CFAP299: variants seen among roughly 807,000 people sequenced by gnomAD.
CFAP299 encodes cilia- and flagella-associated protein 299.
A neutral mutation model predicts 27.0 loss-of-function variants in CFAP299; 21 were observed. The observed-to-expected ratio is 0.78, with a 90% confidence interval of 0.55 to 1.12. The LOEUF is 1.12. CFAP299 is among the 50% of genes most tolerant of loss of function. CFAP299 has a pLI of 0.00. For missense variants in CFAP299, 310 were observed against 276.6 expected (o/e 1.12, Z -0.86); for synonymous variants, 104 against 98.1 (o/e 1.06, Z -0.36).
intron 2 of CFAP299, among the ~76,000 whole-genome samples, chr4:80,381,186 G>A (rs1724679674): frequency 6.6e-6 from 1 of 151,984 alleles, no homozygotes; most frequent in Non-Finnish European, 1.5e-5. Flanking sequence ...TTTAAAAATA[G>A]CTCATTATTT....
chr4:80,873,013 T>C, intron 4 of CFAP299: 1 of 982,536 alleles, frequency 1.0e-6, no homozygotes, highest in Non-Finnish European at 1.2e-6. Context: ...CAGTTTGTGC[T>C]TTTGTATTTT....
intron 1 of CFAP299, among the ~76,000 whole-genome samples, chr4:80,361,802 C>G (rs546830422): frequency 6.6e-6 from 1 of 152,134 alleles, no homozygotes; most frequent in Non-Finnish European, 1.5e-5. Context: ...AACTAGACAT[C>G]TTAAGTTTTC....
intron 3 of CFAP299, among the ~76,000 whole-genome samples, chr4:80,713,034 G>A (rs753037359): frequency 6.6e-6 from 1 of 152,034 alleles, no homozygotes; most frequent in Non-Finnish European, 1.5e-5. Flanking sequence ...GCCAATCATT[G>A]AGTTAAGAGG....
intron 3 of CFAP299, among the ~76,000 whole-genome samples, chr4:80,819,435 A>T (rs1482189158): frequency 6.6e-6 from 1 of 152,156 alleles, no homozygotes. Flanking sequence ...ATGGAATCAG[A>T]TAAAAGTGAT....
intron 1 of CFAP299, among the ~76,000 whole-genome samples, chr4:80,355,456 C>T (rs550415237): frequency 3.0e-4 from 43 of 142,582 alleles, no homozygotes; most frequent in Non-Finnish European, 6.2e-4. Context: ...CTCCCGGGTT[C>T]GAGCAATTCT....
intron 4 of CFAP299, among the ~76,000 whole-genome samples, chr4:80,934,859 A>C (rs930052490): frequency 4.0e-5 from 6 of 151,504 alleles, no homozygotes; most frequent in African/African-American, 1.5e-4. Context: ...ATCTTTTCTA[A>C]TGTTTGTCTA....
At chr4:80,732,413 A>G (rs115410187) in intron 3 of CFAP299, among the ~76,000 whole-genome samples, 1,717 of 152,290 alleles carry the variant, frequency 0.011, 32 homozygotes, top group African/African-American at 0.038. Flanking sequence ...AACACAAAAG[A>G]TAGTGCTGTC....
At chr4:80,504,227 G>A (rs1170089165) in intron 2 of CFAP299, among the ~76,000 whole-genome samples, 2 of 151,444 alleles carry the variant, frequency 1.3e-5, no homozygotes, top group Admixed American at 1.3e-4. Flanking sequence ...AGAGAGCCTG[G>A]TAAGCATGAG....
chr4:80,494,655 T>G (rs1276045270), intron 2 of CFAP299, among the ~76,000 whole-genome samples: 1 of 152,176 alleles, frequency 6.6e-6, no homozygotes, highest in Non-Finnish European at 1.5e-5. Context: ...TCTACTTAGA[T>G]TGTTCTGTGG....
At chr4:80,537,255 C>A (rs1350476831) in intron 2 of CFAP299, among the ~76,000 whole-genome samples, 2 of 151,812 alleles carry the variant, frequency 1.3e-5, no homozygotes, top group African/African-American at 4.8e-5. Context: ...ATGGGTACAG[C>A]CATTATTATC....
At chr4:80,503,471 A>G (rs964093601) in intron 2 of CFAP299, among the ~76,000 whole-genome samples, 11 of 152,064 alleles carry the variant, frequency 7.2e-5, no homozygotes, top group Admixed American at 2.6e-4. Context: ...GAGGCTGTAT[A>G]ATGTTCTTAT....
chr4:80,951,491 A>G (rs924237028), intron 5 of CFAP299, among the ~76,000 whole-genome samples: 2 of 152,170 alleles, frequency 1.3e-5, no homozygotes, highest in East Asian at 1.9e-4. Flanking sequence ...CATGTAGTCT[A>G]TTATCACAAG....
chr4:80,635,709 C>A (rs1214055549), intron 3 of CFAP299, among the ~76,000 whole-genome samples: 1 of 152,132 alleles, frequency 6.6e-6, no homozygotes, highest in African/African-American at 2.4e-5. Context: ...CTTTTCACAG[C>A]AGTCCTTAGA....
At chr4:80,873,063 CT>C in intron 4 of CFAP299, 1 of 921,658 alleles carries the variant, frequency 1.1e-6, no homozygotes, top group Non-Finnish European at 1.3e-6. Flanking sequence ...CATAAATATA[CT>C]GTCTTATAGG....
chr4:80,475,166 C>T (rs911771565), intron 2 of CFAP299, among the ~76,000 whole-genome samples: 2 of 151,914 alleles, frequency 1.3e-5, no homozygotes, highest in Non-Finnish European at 1.5e-5. Flanking sequence ...TAGGCAGGTG[C>T]CAGTGTGGTA....
At chr4:80,827,022 A>T (rs1039613557) in intron 3 of CFAP299, among the ~76,000 whole-genome samples, 1 of 151,782 alleles carries the variant, frequency 6.6e-6, no homozygotes, top group African/African-American at 2.4e-5. Context: ...TGAAAATGAA[A>T]ACAGCATACC....
chr4:80,579,991 A>G (rs1389730766), intron 2 of CFAP299, among the ~76,000 whole-genome samples: 1 of 152,034 alleles, frequency 6.6e-6, no homozygotes, highest in East Asian at 1.9e-4. Context: ...GGAAGTAGAC[A>G]TATTTTGTGG....
chr4:80,630,522 A>T (rs1739154082), intron 3 of CFAP299, among the ~76,000 whole-genome samples: 1 of 152,092 alleles, frequency 6.6e-6, no homozygotes, highest in Non-Finnish European at 1.5e-5. Context: ...TAAATTATAA[A>T]ATGTTGATTT....
At chr4:80,328,097 AGTG>A in the CFAP299 span, among the ~76,000 whole-genome samples, 1 of 152,306 alleles carries the variant, frequency 6.6e-6, no homozygotes, top group Non-Finnish European at 1.5e-5. Context: ...ATCTTAGTCA[AGTG>A]GTGGCCGAAA....
Sources: allele counts gnomAD v4.1 joint callset (sites outside exome capture counted in the v4.1 genomes callset), GRCh38; gene constraint gnomAD v4.1.1; transcripts MANE v1.5; gene names NCBI Gene and HGNC (gene_info 2026-07-23, HGNC 2026-07-21).